Variants in OSBP2 observed in about 807,000 individuals in gnomAD.
The protein encoded by OSBP2 is oxysterol-binding protein 2.
Under a neutral mutation model 96.0 loss-of-function variants are expected in OSBP2, and 66 were observed. The observed-to-expected ratio is 0.69, with a 90% CI of 0.56 to 0.84. The LOEUF (loss-of-function observed/expected upper bound fraction) is 0.84, where lower values mean the gene tolerates loss of function less well. Among genes scored for constraint, OSBP2 ranks in the 40% least tolerant of loss-of-function variants. The probability of loss-of-function intolerance (pLI) is 0.00; values close to 1 mark genes in which losing one functional copy is unlikely to be tolerated. For synonymous variants in OSBP2, 525 were observed against 520.9 expected (o/e 1.01, Z -0.11); for missense variants, 1,038 against 1,222.7 (o/e 0.85, Z 2.25).
At chr22:30,783,878 C>A (rs902564907) in intron 2 of OSBP2, among the ~76,000 whole-genome samples, 20 of 152,160 alleles carry the variant, frequency 1.3e-4, no homozygotes, top group African/African-American at 4.8e-4. Flanking sequence ...TTAGGTAAAC[C>A]AACTGGTGCT....
rs946159163 is a variant in OSBP2, at chr22:30,906,819, C to T, written c.*480C>T. On this transcript the variant is annotated 3_prime_UTR_variant, in exon 14 of 14. Coordinates refer to ENST00000332585, the MANE Select transcript of OSBP2 (RefSeq NM_030758.4). ...GTGTGCTTTCTTGCCACAAAAGTGT[C>T]CTGGCAAGAGCCCCTTATTTTTAAG... The T allele has an allele frequency of 6.5e-6, 1 of 153,284 alleles. No individual in the cohort carries two copies. The allele number at this position is 153,284 out of a possible 1,614,324, so 9.5% of individuals were successfully genotyped here.
intron 2 of OSBP2, among the ~76,000 whole-genome samples, chr22:30,789,841 C>G (rs975238212): frequency 2.0e-5 from 3 of 152,276 alleles, no homozygotes; most frequent in African/African-American, 7.2e-5. Context: ...GATTCTTTGT[C>G]TGCAACAGCT....
At chr22:30,829,397 G>C (rs1323232477) in intron 2 of OSBP2, among the ~76,000 whole-genome samples, 1 of 152,170 alleles carries the variant, frequency 6.6e-6, no homozygotes, top group African/African-American at 2.4e-5. Flanking sequence ...GGTTCAAGCT[G>C]TTCTCCTGCA....
At chr22:30,694,424 G>A (rs1389070007), upstream of OSBP2, 1 of 1,429,236 alleles carries the variant, frequency 7.0e-7, no homozygotes, top group African/African-American at 1.4e-5. Flanking sequence ...GTGGCCTCTG[G>A]GTGCCGTACC....
intron 2 of OSBP2, among the ~76,000 whole-genome samples, chr22:30,858,914 A>ATAATAATAAT (rs201632027): frequency 4.1e-5 from 6 of 146,584 alleles, no homozygotes; most frequent in Admixed American, 2.1e-4. Flanking sequence ...AATAATAATA[A>ATAATAATAAT]AAGCATTCCC....
At position 30,722,745 on chromosome 22, in the gene OSBP2, TTCTC is replaced by T. The variant is rs1452551920; in HGVS notation, c.645-18410_645-18407del. The stretch of plus-strand genomic sequence containing the variant: ...TCTTTCTCTTTCTCCTTCCTTCTCT[TTCTC>T]TCTCTTTCTTTTTCTTTCTTTCTTT... On this transcript the variant is annotated intron_variant, in intron 1 of 13. Coordinates refer to ENST00000332585, the MANE Select transcript of OSBP2 (RefSeq NM_030758.4). Among the ~76,000 whole-genome samples, 4 of 150,734 alleles carry T rather than the reference TTCTC, an allele frequency of 2.7e-5. No individual in the cohort carries two copies. The South Asian group carries it at 6.3e-4, about 24-fold the overall frequency.
At chr22:30,694,754 G>C (rs2088988464), upstream of OSBP2, 1 of 517,576 alleles carries the variant, frequency 1.9e-6, no homozygotes, top group Non-Finnish European at 2.5e-6. Context: ...CACAACAGCC[G>C]GCGGGCGCTG....
At chr22:30,749,062 G>A (rs1418377510) in intron 2 of OSBP2, among the ~76,000 whole-genome samples, 1 of 152,224 alleles carries the variant, frequency 6.6e-6, no homozygotes, top group Non-Finnish European at 1.5e-5. Context: ...GTTGCAGTGA[G>A]CCGAGATTGT....
intron 6 of OSBP2, 73 bp downstream of exon 6, chr22:30,889,307 C>A: frequency 6.7e-7 from 1 of 1,499,892 alleles, no homozygotes; most frequent in Non-Finnish European, 9.2e-7. Context: ...CAGGCCAGCA[C>A]CAAGAACTGG....
At chr22:30,799,566 A>G (rs1005686771) in intron 2 of OSBP2, among the ~76,000 whole-genome samples, 1 of 152,380 alleles carries the variant, frequency 6.6e-6, no homozygotes, top group South Asian at 2.1e-4. Flanking sequence ...TTTCGTAGTG[A>G]CAGAGCTGAA....
chr22:30,734,492 T>C (rs1446935159), intron 1 of OSBP2, among the ~76,000 whole-genome samples: 1 of 152,182 alleles, frequency 6.6e-6, no homozygotes, highest in African/African-American at 2.4e-5. Context: ...GTCTGGACTA[T>C]TGGACTTCCC....
chr22:30,714,824 C>T (rs765786417), intron 1 of OSBP2, among the ~76,000 whole-genome samples: 2 of 152,184 alleles, frequency 1.3e-5, no homozygotes, highest in Non-Finnish European at 2.9e-5. Flanking sequence ...CCATGTTGGC[C>T]AGGCTGGCCT....
At chr22:30,835,801 C>A (rs1233423885) in intron 2 of OSBP2, among the ~76,000 whole-genome samples, 1 of 150,424 alleles carries the variant, frequency 6.6e-6, no homozygotes, top group Non-Finnish European at 1.5e-5. Context: ...ATTGCAGCCT[C>A]GACCTCCCCT....
intron 1 of OSBP2, among the ~76,000 whole-genome samples, chr22:30,719,957 C>G (rs1263364743): frequency 6.6e-6 from 1 of 152,154 alleles, no homozygotes; most frequent in Non-Finnish European, 1.5e-5. Context: ...ATCTCAACCC[C>G]CTTATCACCT....
In OSBP2 at chr22:30,905,824, A is replaced by G. The variant is rs752784644; in HGVS notation, c.2376-13A>G. On this transcript the variant is annotated splice_polypyrimidine_tract_variant and intron_variant, in intron 12 of 13. Transcript: ENST00000332585. ...CACCGCAGCCACCGCCACCGCCACC[A>G]CCACCGCCACAGGGAGAACGCGGAG... 4.6e-5 allele frequency: 73 copies of G among 1,603,544 alleles called. No individual in the cohort carries two copies. The highest frequency in any genetic ancestry group is 2.5e-4 in the South Asian group (23 of 90,580).
At chr22:30,714,066 C>T (rs1001694911) in intron 1 of OSBP2, among the ~76,000 whole-genome samples, 1 of 152,184 alleles carries the variant, frequency 6.6e-6, no homozygotes, top group African/African-American at 2.4e-5. Flanking sequence ...CCCCACTTCC[C>T]TCTATCCTTC....
chr22:30,883,549 A>G (rs5753369), intron 3 of OSBP2, among the ~76,000 whole-genome samples: 85,422 of 152,104 alleles, frequency 0.56, 24,201 homozygotes, highest in East Asian at 0.73. Context: ...GCACTGGGCC[A>G]AGCTTAGGGC....
chr22:30,733,331 A>G (rs1387058119), intron 1 of OSBP2, among the ~76,000 whole-genome samples: 1 of 152,184 alleles, frequency 6.6e-6, no homozygotes, highest in Non-Finnish European at 1.5e-5. Flanking sequence ...CACAGAGGCC[A>G]CTCATGTTCT....
chr22:30,854,301 G>A (rs2147067770), intron 2 of OSBP2, among the ~76,000 whole-genome samples: 1 of 126,082 alleles, frequency 7.9e-6, no homozygotes, highest in African/African-American at 3.0e-5. Flanking sequence ...GCTTTATACA[G>A]TTATCTTTTT....
Sources: gnomAD v4.1 joint callset for allele counts (sites outside exome capture counted in the v4.1 genomes callset) on GRCh38, gnomAD v4.1.1 for gene constraint, MANE v1.5 for transcripts, NCBI Gene and HGNC (gene_info 2026-07-23, HGNC 2026-07-21) for gene names.